Variants in LYPLAL1 observed in about 807,000 individuals in gnomAD.
The protein encoded by LYPLAL1 is lysophospholipase like 1.
Under a neutral mutation model 19.7 loss-of-function variants are expected in LYPLAL1, and 23 were observed. The observed-to-expected ratio is 1.17, with a 90% confidence interval of 0.84 to 1.65. The LOEUF is 1.65. Ranked by LOEUF, LYPLAL1 falls within the 40% of genes most tolerant of loss-of-function variation. The probability of loss-of-function intolerance (pLI) is 0.00; values close to 1 mark genes in which losing one functional copy is unlikely to be tolerated. For synonymous variants in LYPLAL1, 119 were observed against 96.3 expected, an observed-to-expected ratio of 1.24 and a Z score of -1.38; for missense variants, 355 against 279.4, an observed-to-expected ratio of 1.27 and a Z score of -1.93.
the LYPLAL1 span, among the ~76,000 whole-genome samples, chr1:219,296,847 A>AT: frequency 1.3e-5 from 2 of 152,064 alleles, no homozygotes; most frequent in Non-Finnish European, 2.9e-5. Context: ...GTTTATAACT[A>AT]TTTTTTTACC....
At chr1:219,373,322 G>A in the LYPLAL1 span, among the ~76,000 whole-genome samples, 7 of 152,300 alleles carry the variant, frequency 4.6e-5, no homozygotes, top group East Asian at 5.8e-4. Context: ...CAAGATAGTC[G>A]TGGTAGCTAA....
chr1:219,211,359 T>C (rs1477250213), intron 4 of LYPLAL1, 133 bp from the exon 5 acceptor site: 1 of 658,034 alleles, frequency 1.5e-6, no homozygotes, highest in Non-Finnish European at 2.6e-6. Flanking sequence ...CAGACAGCAC[T>C]CCCTCTGCCT....
At chr1:219,294,618 C>T in the LYPLAL1 span, among the ~76,000 whole-genome samples, 1 of 152,212 alleles carries the variant, frequency 6.6e-6, no homozygotes, top group East Asian at 1.9e-4. Context: ...AAAATCTACT[C>T]TTCCTTCAGG....
the LYPLAL1 span, among the ~76,000 whole-genome samples, chr1:219,317,003 T>C: frequency 6.6e-6 from 1 of 152,194 alleles, no homozygotes; most frequent in Admixed American, 6.5e-5. Flanking sequence ...ATGTATTGAA[T>C]ACAACCAAAC....
chr1:219,217,425 C>CT (rs1659336534), downstream of LYPLAL1, among the ~76,000 whole-genome samples: 1 of 63,990 alleles, frequency 1.6e-5, no homozygotes, highest in African/African-American at 4.3e-5. Context: ...GGTTGTAAAT[C>CT]TTTCTTCACG....
chr1:219,433,002 G>A, the LYPLAL1 span, among the ~76,000 whole-genome samples: 1 of 152,154 alleles, frequency 6.6e-6, no homozygotes, highest in Non-Finnish European at 1.5e-5. Context: ...CCCAGGGCAG[G>A]TGGAGTCTCA....
chr1:219,218,647 G>A, the LYPLAL1 span, among the ~76,000 whole-genome samples: 2 of 151,980 alleles, frequency 1.3e-5, no homozygotes, highest in Admixed American at 6.6e-5. Flanking sequence ...CAGACTATAT[G>A]ATCACTCAAG....
At chr1:219,267,800 T>C in the LYPLAL1 span, among the ~76,000 whole-genome samples, 1 of 152,194 alleles carries the variant, frequency 6.6e-6, no homozygotes, top group Non-Finnish European at 1.5e-5. Context: ...TCCAAAATCA[T>C]GTTCTTTCTA....
intron 3 of LYPLAL1, among the ~76,000 whole-genome samples, chr1:219,193,823 A>G (rs951281266): frequency 2.0e-5 from 3 of 151,866 alleles, no homozygotes; most frequent in Non-Finnish European, 4.4e-5. Context: ...TTTCTAATAC[A>G]TGCAAAAGTG....
the LYPLAL1 span, among the ~76,000 whole-genome samples, chr1:219,278,453 G>T: frequency 6.6e-6 from 1 of 152,050 alleles, no homozygotes; most frequent in Non-Finnish European, 1.5e-5. Flanking sequence ...ATGTATGTCC[G>T]GTTGTCTGGG....
the LYPLAL1 span, among the ~76,000 whole-genome samples, chr1:219,317,167 G>C: frequency 1.3e-5 from 2 of 152,162 alleles, no homozygotes; most frequent in African/African-American, 4.8e-5. Context: ...TAGAGTGGCT[G>C]TTCTAAAATC....
chr1:219,322,001 A>G, the LYPLAL1 span, among the ~76,000 whole-genome samples: 1 of 152,216 alleles, frequency 6.6e-6, no homozygotes, highest in Non-Finnish European at 1.5e-5. Flanking sequence ...TAATGGAGGC[A>G]CAGTTTCATC....
the LYPLAL1 span, among the ~76,000 whole-genome samples, chr1:219,384,711 G>A: frequency 2.0e-5 from 3 of 152,088 alleles, no homozygotes; most frequent in South Asian, 2.1e-4. Context: ...CAAATCAGTC[G>A]AATTTATTTG....
chr1:219,313,971 C>A, the LYPLAL1 span, among the ~76,000 whole-genome samples: 1 of 152,216 alleles, frequency 6.6e-6, no homozygotes, highest in Non-Finnish European at 1.5e-5. Flanking sequence ...TATCTTCACA[C>A]TCTTTTCACC....
At chr1:219,191,332 A>G (rs1222265769) in intron 2 of LYPLAL1, among the ~76,000 whole-genome samples, 1 of 151,656 alleles carries the variant, frequency 6.6e-6, no homozygotes, top group African/African-American at 2.4e-5. Context: ...CTTAGTGGCT[A>G]AAAGCTGGGT....
chr1:219,245,504 A>G, the LYPLAL1 span, among the ~76,000 whole-genome samples: 2 of 152,298 alleles, frequency 1.3e-5, no homozygotes, highest in African/African-American at 2.4e-5. Flanking sequence ...TGGAAGAATG[A>G]GTTTCAGATT....
At chr1:219,240,564 T>C in the LYPLAL1 span, among the ~76,000 whole-genome samples, 2 of 152,182 alleles carry the variant, frequency 1.3e-5, no homozygotes, top group African/African-American at 4.8e-5. Flanking sequence ...TAAGCAGAAC[T>C]ATAATATCAA....
the LYPLAL1 span, among the ~76,000 whole-genome samples, chr1:219,268,230 A>G: frequency 6.6e-6 from 1 of 152,086 alleles, no homozygotes; most frequent in South Asian, 2.1e-4. Flanking sequence ...TGCTAAGAAG[A>G]CAATAGAGAA....
At chr1:219,356,110 T>A in the LYPLAL1 span, among the ~76,000 whole-genome samples, 1 of 152,094 alleles carries the variant, frequency 6.6e-6, no homozygotes, top group Admixed American at 6.5e-5. Context: ...CAAAATAAAA[T>A]TGTTAGATGA....
Sources: gnomAD v4.1 joint callset for allele counts (sites outside exome capture counted in the v4.1 genomes callset) on GRCh38, gnomAD v4.1.1 for gene constraint, MANE v1.5 for transcripts, NCBI Gene and HGNC (gene_info 2026-07-23, HGNC 2026-07-21) for gene names.